CEMIP2: variants seen among roughly 807,000 people sequenced by gnomAD.
CEMIP2 encodes cell migration inducing hyaluronidase 2.
In CEMIP2, 79 loss-of-function variants were observed where a neutral mutation model predicts 146.9. The observed-to-expected ratio is 0.54, with a 90% CI of 0.45 to 0.65. CEMIP2 has a LOEUF of 0.65. Ranked by LOEUF, CEMIP2 falls within the 30% of genes least tolerant of loss-of-function variation. The probability of loss-of-function intolerance (pLI) is 0.00; values close to 1 mark genes in which losing one functional copy is unlikely to be tolerated. For missense variants in CEMIP2, 1,596 were observed against 1,696.2 expected (o/e 0.94, Z 1.04); for synonymous variants, 601 against 606.3 (o/e 0.99, Z 0.13).
chr9:71,707,951 C>T (rs976925008), intron 17 of CEMIP2, among the ~76,000 whole-genome samples: 31 of 152,088 alleles, frequency 2.0e-4, no homozygotes, highest in African/African-American at 7.2e-4. Context: ...TTTTGGGAGG[C>T]CGAGGTGGGC....
chr9:71,728,252 TATATACAC>T (rs1471135174), intron 10 of CEMIP2, among the ~76,000 whole-genome samples: 5 of 31,880 alleles, frequency 1.6e-4, no homozygotes, highest in South Asian at 1.6e-3. Context: ...TATATATATG[TATATACAC>T]GTATATATAT....
At chr9:71,733,411 T>C (rs1013411792) in intron 6 of CEMIP2, among the ~76,000 whole-genome samples, 15 of 152,184 alleles carry the variant, frequency 9.9e-5, no homozygotes, top group African/African-American at 2.9e-4. Context: ...AAAAAATTAA[T>C]GCCAGATGGT....
intron 1 of CEMIP2, among the ~76,000 whole-genome samples, chr9:71,758,701 T>C (rs1433873787): frequency 6.6e-6 from 1 of 152,224 alleles, no homozygotes; most frequent in African/African-American, 2.4e-5. Context: ...CATTAATGCA[T>C]ATTTTCTATA....
intron 1 of CEMIP2, among the ~76,000 whole-genome samples, chr9:71,752,967 G>A (rs1196764527): frequency 1.3e-5 from 2 of 152,182 alleles, no homozygotes; most frequent in South Asian, 2.1e-4. Flanking sequence ...TGAAGCTCAA[G>A]CTTCATGACA....
At position 71,730,566 on chromosome 9, in the gene CEMIP2, T is replaced by C. The variant is rs1406334061; in HGVS notation, c.1773+139A>G. 3 of 869,128 alleles carry C rather than the reference T, an allele frequency of 3.5e-6. No homozygotes were observed. In the African/African-American group the frequency reaches 5.1e-5, roughly 15 times the overall value. The allele number at this position is 869,128 out of a possible 1,614,324, so 53.8% of individuals were successfully genotyped here. On this transcript the variant is annotated intron_variant, in intron 8 of 23. Coordinates refer to ENST00000377044, the MANE Select transcript of CEMIP2 (RefSeq NM_013390.3). ...GGTAGGCTTCCTTCAGACAGAAAAA[T>C]CGTGGAATGCTCAGAAAAGGCAGGA...
intron 1 of CEMIP2, among the ~76,000 whole-genome samples, chr9:71,757,020 T>C (rs1589169038): frequency 6.6e-6 from 1 of 152,216 alleles, no homozygotes; most frequent in Admixed American, 6.5e-5. Context: ...ATTTTAGTGT[T>C]CTTTCAGCTG....
At chr9:71,716,244 A>C (rs1325602010) in intron 14 of CEMIP2, among the ~76,000 whole-genome samples, 2 of 152,102 alleles carry the variant, frequency 1.3e-5, no homozygotes, top group Non-Finnish European at 2.9e-5. Context: ...CCTACTTTTT[A>C]AAAACTTTAG....
At chr9:71,688,941 T>G (rs554852712) in intron 22 of CEMIP2, among the ~76,000 whole-genome samples, 1 of 152,184 alleles carries the variant, frequency 6.6e-6, no homozygotes, top group Non-Finnish European at 1.5e-5. Flanking sequence ...GAAACCTATC[T>G]GCATAACCAG....
intron 1 of CEMIP2, among the ~76,000 whole-genome samples, chr9:71,766,355 G>A (rs1438981089): frequency 6.6e-6 from 1 of 152,190 alleles, no homozygotes; most frequent in East Asian, 1.9e-4. Flanking sequence ...TTACAGGCGT[G>A]AGCCAATTGT....
intron 16 of CEMIP2, among the ~76,000 whole-genome samples, chr9:71,711,263 A>T (rs1256376397): frequency 6.6e-6 from 1 of 152,136 alleles, no homozygotes; most frequent in African/African-American, 2.4e-5. Flanking sequence ...AGTTTATATC[A>T]GAAATAACCC....
chr9:71,706,469 T>C (rs1822742566), intron 17 of CEMIP2, among the ~76,000 whole-genome samples: 1 of 152,186 alleles, frequency 6.6e-6, no homozygotes, highest in Non-Finnish European at 1.5e-5. Flanking sequence ...ATTAGATGAC[T>C]TATTTCTTTC....
At chr9:71,701,254 CA>C (rs1430201526) in intron 18 of CEMIP2, among the ~76,000 whole-genome samples, 1 of 152,174 alleles carries the variant, frequency 6.6e-6, no homozygotes, top group South Asian at 2.1e-4. Flanking sequence ...TACAGGGGCA[CA>C]ACACCATGCA....
At position 71,734,833 on chromosome 9, in the gene CEMIP2, A is replaced by G. The variant is rs1202768831; in HGVS notation, c.1366T>C (p.Cys456Arg). ...EEFTLLPCSE[C>R]SHFQVKVKET... is the part of the protein sequence containing the mutation. Reference sequence around the variant, plus strand: ...TTGACTTTGACCTGAAAATGGCTGCATTCAGAACAGGGAAGAAGAGTGAAC... The same window carrying G: ...TTGACTTTGACCTGAAAATGGCTGCGTTCAGAACAGGGAAGAAGAGTGAAC... Residue 456 changes from cysteine to arginine, a missense_variant, in exon 6 of 24, where the codon TGC becomes CGC. Cys to Arg is a radical substitution (Grantham distance 180). Transcript: ENST00000377044. 1 of 1,612,488 alleles carries G rather than the reference A, an allele frequency of 6.2e-7. No individual in the cohort carries two copies. Among genetic ancestry groups the G allele is most frequent in the East Asian group, 2.2e-5 (1 of 44,848 alleles).
At chr9:71,756,272 G>T (rs930707115) in intron 1 of CEMIP2, among the ~76,000 whole-genome samples, 2 of 142,444 alleles carry the variant, frequency 1.4e-5, no homozygotes, top group African/African-American at 2.6e-5. Flanking sequence ...ATATACACAC[G>T]TATATGTATA....
At chr9:71,713,218 C>T (rs934413063) in intron 15 of CEMIP2, among the ~76,000 whole-genome samples, 2 of 152,052 alleles carry the variant, frequency 1.3e-5, no homozygotes, top group South Asian at 2.1e-4. Context: ...GAATCGGGGG[C>T]GGGTCTTCTC....
At position 71,709,371 on chromosome 9, in the gene CEMIP2, G is replaced by A; in HGVS notation, c.2873C>T (p.Thr958Ile). ...TCCCACATAAGCATCCTTGTATCCT[G>A]TCACAGAGCCATCAATGTCATGGAA... ...SIFHDIDGSV[T>I]GYKDAYVGRM... The change falls in exon 17 of 24, where the codon ACA becomes ATA. Residue 958 changes from threonine to isoleucine, a missense_variant. Thr to Ile is a moderately conservative substitution (Grantham distance 89, BLOSUM62 -1). Coordinates refer to ENST00000377044, the MANE Select transcript of CEMIP2 (RefSeq NM_013390.3). 2 of 1,614,128 alleles carry A rather than the reference G, an allele frequency of 1.2e-6. No individual in the cohort carries two copies. Among genetic ancestry groups the A allele is most frequent in the South Asian group, 2.2e-5 (2 of 91,086 alleles).
intron 19 of CEMIP2, 116 bp downstream of exon 19, chr9:71,700,526 G>A: frequency 9.6e-7 from 1 of 1,042,568 alleles, no homozygotes; most frequent in Non-Finnish European, 1.4e-6. Context: ...GAGAAGATGT[G>A]CAGAGAATTA....
chr9:71,730,999 AAGG>A, intron 7 of CEMIP2, 85 bp from the exon 8 acceptor site: 1 of 1,076,280 alleles, frequency 9.3e-7, no homozygotes, highest in East Asian at 2.5e-5. Flanking sequence ...AAAACATCCA[AAGG>A]AGAATACTTA....
In CEMIP2 at chr9:71,745,487, T is replaced by C; in HGVS notation, c.565A>G (p.Ile189Val). The C allele has an allele frequency of 6.2e-7, 1 of 1,613,606 alleles. No individual in the cohort carries two copies. The highest frequency in any genetic ancestry group is 1.1e-5 in the South Asian group (1 of 91,038). The change falls in exon 4 of 24, where the codon ATT (isoleucine) becomes GTT (valine). Residue 189 changes from isoleucine to valine, a missense_variant. Transcript: ENST00000377044. ...TTATAGCGGCATTTTTCTGCTCCAA[T>C]ATGAAGCGCCCCACCATCCTGGATC... ...ILIQDGGALH[I>V]GAEKCRYKSK...
Sources: allele counts gnomAD v4.1 joint callset (sites outside exome capture counted in the v4.1 genomes callset), GRCh38; gene constraint gnomAD v4.1.1; transcripts MANE v1.5; gene names NCBI Gene and HGNC (gene_info 2026-07-23, HGNC 2026-07-21).